The following VRK2 variants were observed in gnomAD, a reference collection of about 807,000 sequenced individuals.
The protein encoded by VRK2 is serine/threonine-protein kinase VRK2.
Under a neutral mutation model 57.6 loss-of-function variants are expected in VRK2, and 60 were observed. The observed-to-expected ratio is 1.04, with a 90% CI of 0.85 to 1.29. The LOEUF (loss-of-function observed/expected upper bound fraction) is 1.29. Among genes scored for constraint, VRK2 ranks in the 50% most tolerant of loss-of-function variants. The pLI is 0.00. For synonymous variants in VRK2, 231 were observed against 199.2 expected (o/e 1.16, Z -1.35); for missense variants, 705 against 588.1 (o/e 1.20, Z -2.06).
chr2:57,916,361 G>A (rs981809377), intron 1 of VRK2, among the ~76,000 whole-genome samples: 1 of 149,452 alleles, frequency 6.7e-6, no homozygotes, highest in Non-Finnish European at 1.5e-5. Flanking sequence ...AGCTGAGATC[G>A]TGCCATTGCA....
chr2:58,006,035 T>C (rs1441480441), intron 1 of VRK2, among the ~76,000 whole-genome samples: 1 of 152,160 alleles, frequency 6.6e-6, no homozygotes, highest in African/African-American at 2.4e-5. Context: ...TCCAGACCTG[T>C]AGCTAGACTC....
intron 2 of VRK2, among the ~76,000 whole-genome samples, chr2:58,068,524 T>C (rs187679798): frequency 4.9e-4 from 75 of 152,290 alleles, no homozygotes; most frequent in Admixed American, 1.0e-3. Flanking sequence ...GTTTATCCTA[T>C]TGGGGGTTCT....
intron 1 of VRK2, among the ~76,000 whole-genome samples, chr2:57,944,083 A>C (rs1671180127): frequency 7.2e-6 from 1 of 138,544 alleles, no homozygotes; most frequent in South Asian, 2.3e-4. Context: ...GAACAACAAC[A>C]AAAAAAAACC....
At chr2:58,018,957 T>C (rs1308155819) in intron 1 of VRK2, among the ~76,000 whole-genome samples, 1 of 152,212 alleles carries the variant, frequency 6.6e-6, no homozygotes, top group Non-Finnish European at 1.5e-5. Context: ...CTCTGATAAA[T>C]TTCCCTGTAC....
At chr2:58,025,093 C>T (rs1379617588) in intron 1 of VRK2, among the ~76,000 whole-genome samples, 1 of 152,098 alleles carries the variant, frequency 6.6e-6, no homozygotes, top group Non-Finnish European at 1.5e-5. Flanking sequence ...CACTGAACAC[C>T]ATATGCAGTT....
intron 1 of VRK2, among the ~76,000 whole-genome samples, chr2:58,011,978 C>T (rs904592144): frequency 6.6e-6 from 1 of 152,144 alleles, no homozygotes; most frequent in Non-Finnish European, 1.5e-5. Context: ...CACATTAGGG[C>T]TCAAGACACA....
intron 12 of VRK2, among the ~76,000 whole-genome samples, chr2:58,157,199 G>A (rs1158079864): frequency 6.6e-6 from 1 of 152,112 alleles, no homozygotes. Flanking sequence ...GGTTTTCACA[G>A]CAGAAGGGGA....
intron 1 of VRK2, among the ~76,000 whole-genome samples, chr2:57,987,072 C>G (rs1317486589): frequency 6.6e-6 from 1 of 151,896 alleles, no homozygotes; most frequent in Non-Finnish European, 1.5e-5. Flanking sequence ...GGATGACAGA[C>G]ATAAAAGTAA....
chr2:57,962,388 C>T (rs1671788338), intron 1 of VRK2, among the ~76,000 whole-genome samples: 1 of 152,190 alleles, frequency 6.6e-6, no homozygotes, highest in African/African-American at 2.4e-5. Context: ...TGCCCCAATC[C>T]TGTCCTCCCA....
intron 5 of VRK2, among the ~76,000 whole-genome samples, chr2:58,087,221 A>G (rs1671755921): frequency 2.0e-5 from 3 of 152,154 alleles, no homozygotes; most frequent in Admixed American, 2.0e-4. Context: ...TTTTTATTCC[A>G]TAGATGAGAG....
intron 1 of VRK2, among the ~76,000 whole-genome samples, chr2:57,947,217 G>A (rs1329536706): frequency 1.3e-5 from 2 of 152,132 alleles, no homozygotes; most frequent in South Asian, 2.1e-4. Flanking sequence ...AAGAGGTCAT[G>A]ATTTTGTGAA....
intron 7 of VRK2, among the ~76,000 whole-genome samples, chr2:58,115,973 C>G (rs1389814187): frequency 6.6e-6 from 1 of 152,136 alleles, no homozygotes; most frequent in Non-Finnish European, 1.5e-5. Flanking sequence ...GGTTTGGCAC[C>G]ACGGGGTGGA....
At chr2:58,129,224 T>G (rs545526770) in intron 8 of VRK2, among the ~76,000 whole-genome samples, 1 of 152,152 alleles carries the variant, frequency 6.6e-6, no homozygotes, top group Admixed American at 6.5e-5. Flanking sequence ...TGTCCATAAT[T>G]ACATTAATTA....
In VRK2 at chr2:57,909,679, C is replaced by T. The variant is rs117508949; in HGVS notation, c.-439+1840C>T. The stretch of plus-strand genomic sequence containing the variant: ...AATCATGAAATATATTTTTCCTATG[C>T]TATTTTTGCTTTGCTTTAATTTGCT... On this transcript the variant is annotated intron_variant, in intron 1 of 15. Transcript: ENST00000417641. Among the ~76,000 whole-genome samples the T allele has an allele frequency of 1.6e-4, 24 of 152,238 alleles. No homozygotes were observed. In the East Asian group the frequency reaches 4.4e-3, roughly 28 times the overall value.
chr2:58,017,264 G>C (rs1256384658), intron 1 of VRK2, among the ~76,000 whole-genome samples: 1 of 152,156 alleles, frequency 6.6e-6, no homozygotes. Context: ...ACCTCAGCCA[G>C]TTGTCCTATT....
intron 2 of VRK2, among the ~76,000 whole-genome samples, chr2:58,080,970 A>G (rs1670781046): frequency 6.6e-6 from 1 of 151,952 alleles, no homozygotes; most frequent in Non-Finnish European, 1.5e-5. Context: ...GTAGGACCTG[A>G]TTTAGATCTA....
At chr2:58,155,673 C>G (rs909834715) in intron 12 of VRK2, among the ~76,000 whole-genome samples, 2 of 151,908 alleles carry the variant, frequency 1.3e-5, no homozygotes, top group African/African-American at 4.8e-5. Context: ...GGTGTGCTCC[C>G]TGGTTAGTGT....
chr2:58,046,565 G>A (rs943454009), upstream of VRK2: 6 of 985,640 alleles, frequency 6.1e-6, no homozygotes, highest in East Asian at 4.5e-4. Context: ...ACGCTGGCGG[G>A]CCAGGGTGGA....
chr2:58,085,920 CTTTTTTTTTCTTTTT>C (rs1671552710), intron 4 of VRK2, among the ~76,000 whole-genome samples: 1 of 113,798 alleles, frequency 8.8e-6, no homozygotes, highest in Non-Finnish European at 1.8e-5. Context: ...CCAATTTCTG[CTTTTTTTTTCTTTTT>C]TTTTTTTTTT....
Sources: gnomAD v4.1 joint callset for allele counts (sites outside exome capture counted in the v4.1 genomes callset) on GRCh38, gnomAD v4.1.1 for gene constraint, MANE v1.5 for transcripts, NCBI Gene and HGNC (gene_info 2026-07-23, HGNC 2026-07-21) for gene names.